FAM117B: variants seen among roughly 807,000 people sequenced by gnomAD.
FAM117B encodes family with sequence similarity 117 member B.
Under a neutral mutation model 52.8 loss-of-function variants are expected in FAM117B, and 22 were observed. The observed-to-expected ratio is 0.42, with a 90% CI of 0.30 to 0.59. The LOEUF (loss-of-function observed/expected upper bound fraction) is 0.59, where lower values mean the gene tolerates loss of function less well. Ranked by LOEUF, FAM117B falls within the 20% of genes least tolerant of loss-of-function variation. The pLI is 0.22. For synonymous variants in FAM117B, 309 were observed against 324.1 expected (o/e 0.95, Z 0.50); for missense variants, 678 against 802.6 (o/e 0.84, Z 1.88).
At chr2:202,755,514 T>A in intron 4 of FAM117B, 24 bp from the exon 5 acceptor site, 1 of 1,611,636 alleles carries the variant, frequency 6.2e-7, no homozygotes, top group Non-Finnish European at 8.5e-7. Context: ...GTTAAGCCTC[T>A]CTTCTCCATC....
intron 1 of FAM117B, among the ~76,000 whole-genome samples, chr2:202,671,914 C>T (rs1020695470): frequency 1.3e-5 from 2 of 152,110 alleles, no homozygotes; most frequent in Non-Finnish European, 2.9e-5. Context: ...ACTCAGAGAC[C>T]CAAGCTGACA....
chr2:202,726,276 G>C lies in FAM117B; in HGVS notation c.873G>C (p.Gln291His). Residue 291 changes from glutamine (Q) to histidine (H), a missense_variant, in exon 4 of 8, where the codon CAG becomes CAC. Physicochemically the swap from Gln to His is conservative, Grantham distance 24. Around this residue, in one of 3 missense-constraint regions of FAM117B, gnomAD observed 583 missense variants for 644.8 expected, o/e 0.90. Coordinates refer to ENST00000392238, the MANE Select transcript of FAM117B (RefSeq NM_173511.4). ...TTGCAAAATTACGCCAGCAGTTGCA[G>C]AGAAGTAAACACAGCAGTCGGCATC... Reference protein sequence around the residue: ...KEIAKLRQQLQRSKHSSRHHR... With the variant: ...KEIAKLRQQLHRSKHSSRHHR... 2 of 1,612,872 alleles carry C rather than the reference G, an allele frequency of 1.2e-6. No individual in the cohort carries two copies. The highest frequency in any genetic ancestry group is 1.7e-6 in the Non-Finnish European group (2 of 1,179,708).
chr2:202,635,804 C>G lies in FAM117B; in HGVS notation c.601+16C>G. On this transcript the variant is annotated intron_variant, in intron 1 of 7. Transcript: ENST00000392238. Reference sequence around the variant, plus strand: ...TGCAAAGCAGGTAAGTGCTGGGGGTCGCGCAGCAAGGGGGAGGCGGCTGCG... The same window carrying G: ...TGCAAAGCAGGTAAGTGCTGGGGGTGGCGCAGCAAGGGGGAGGCGGCTGCG... 1 of 1,425,400 alleles carries G rather than the reference C, an allele frequency of 7.0e-7. No homozygotes were observed. 88.3% of individuals were successfully genotyped at this position (1,425,400 alleles called of 1,614,324 possible).
chr2:202,745,574 T>G (rs1691618908), intron 4 of FAM117B, among the ~76,000 whole-genome samples: 1 of 151,124 alleles, frequency 6.6e-6, no homozygotes, highest in Non-Finnish European at 1.5e-5. Flanking sequence ...AAAAAACAAT[T>G]AAAGTGACTG....
intron 2 of FAM117B, among the ~76,000 whole-genome samples, chr2:202,701,855 G>A (rs536013633): frequency 6.6e-6 from 1 of 152,320 alleles, no homozygotes; most frequent in East Asian, 1.9e-4. Flanking sequence ...GGTTTCTTGA[G>A]ATAGAATCTA....
intron 1 of FAM117B, among the ~76,000 whole-genome samples, chr2:202,655,755 A>AGT (rs1559095461): frequency 1.5e-5 from 2 of 133,460 alleles, no homozygotes; most frequent in African/African-American, 6.2e-5. Flanking sequence ...AGAGAGAGAG[A>AGT]GAGAGAGTGT....
At chr2:202,727,481 T>A (rs1574571560) in intron 4 of FAM117B, among the ~76,000 whole-genome samples, 2 of 152,110 alleles carry the variant, frequency 1.3e-5, no homozygotes, top group Middle Eastern at 6.8e-3. Context: ...AAACATATTT[T>A]TGGAAAAATA....
chr2:202,709,050 G>A (rs541496164), intron 2 of FAM117B, among the ~76,000 whole-genome samples: 5 of 152,226 alleles, frequency 3.3e-5, no homozygotes, highest in Admixed American at 6.5e-5. Context: ...CCTGACAGGC[G>A]CGAGATGATA....
intron 7 of FAM117B, among the ~76,000 whole-genome samples, chr2:202,763,059 G>A (rs369337957): frequency 1.4e-5 from 2 of 145,948 alleles, no homozygotes; most frequent in Admixed American, 7.0e-5. Context: ...TAGCAGCCAC[G>A]AGTCTTAAGT....
chr2:202,702,414 T>G (rs72928942), intron 2 of FAM117B, among the ~76,000 whole-genome samples: 12,293 of 151,448 alleles, frequency 0.081, 678 homozygotes, highest in Middle Eastern at 0.2. Flanking sequence ...AAGAAAGAAA[T>G]AAAATAAATA....
At chr2:202,760,396 G>A (rs569194128) in intron 7 of FAM117B, among the ~76,000 whole-genome samples, 53 of 152,348 alleles carry the variant, frequency 3.5e-4, no homozygotes, top group Admixed American at 1.4e-3. Context: ...CTGAACCACT[G>A]TGATGTGGCA....
chr2:202,702,647 A>G (rs1012414002), intron 2 of FAM117B, among the ~76,000 whole-genome samples: 13 of 151,842 alleles, frequency 8.6e-5, no homozygotes, highest in Non-Finnish European at 1.6e-4. Context: ...TCCGCCTCCC[A>G]GGTTCACGCC....
chr2:202,650,056 G>C (rs1689934863), intron 1 of FAM117B, among the ~76,000 whole-genome samples: 1 of 151,608 alleles, frequency 6.6e-6, no homozygotes, highest in African/African-American at 2.4e-5. Context: ...TGGATTTTTA[G>C]TAGACACGGG....
At chr2:202,640,307 T>TATATAG (rs1553517969) in intron 1 of FAM117B, among the ~76,000 whole-genome samples, 1 of 54,812 alleles carries the variant, frequency 1.8e-5, no homozygotes, top group Non-Finnish European at 3.6e-5. Flanking sequence ...TATATATATA[T>TATATAG]ATATATATAT....
chr2:202,723,834 C>T (rs1691189023), intron 2 of FAM117B, among the ~76,000 whole-genome samples: 1 of 152,138 alleles, frequency 6.6e-6, no homozygotes, highest in African/African-American at 2.4e-5. Context: ...ACTTTGACAG[C>T]AGGTGCTGAA....
chr2:202,749,131 A>G (rs1321112032), intron 4 of FAM117B, among the ~76,000 whole-genome samples: 1 of 152,106 alleles, frequency 6.6e-6, no homozygotes, highest in Middle Eastern at 3.2e-3. Context: ...GAGTAAAAAT[A>G]TTTTACTATT....
chr2:202,765,775 A>C lies in FAM117B; in HGVS notation c.*11A>C, dbSNP rs1462300457. 2 of 1,610,704 alleles carry C rather than the reference A, an allele frequency of 1.2e-6. No homozygotes were observed. Among genetic ancestry groups the C allele is most frequent in the South Asian group, 1.1e-5 (1 of 90,780 alleles). On this transcript the variant is annotated 3_prime_UTR_variant, in exon 8 of 8. Coordinates refer to ENST00000392238, the MANE Select transcript of FAM117B (RefSeq NM_173511.4). ...GAAGCTGAAGGATAGGTCACAGTGC[A>C]ACGTGGCTGTTGTTCTGGGAAATTG...
At chr2:202,705,887 T>C (rs965681654) in intron 2 of FAM117B, among the ~76,000 whole-genome samples, 1 of 152,226 alleles carries the variant, frequency 6.6e-6, no homozygotes, top group Non-Finnish European at 1.5e-5. Flanking sequence ...TTCCTTTGAC[T>C]CAGAAGGTAT....
intron 2 of FAM117B, among the ~76,000 whole-genome samples, chr2:202,704,354 G>T (rs1227012839): frequency 1.3e-5 from 2 of 152,114 alleles, no homozygotes; most frequent in African/African-American, 4.8e-5. Context: ...TAAGGAATTT[G>T]ATCTATTGCT....
Sources: gnomAD v4.1 joint callset for allele counts (sites outside exome capture counted in the v4.1 genomes callset) on GRCh38, gnomAD v4.1.1 for gene constraint, gnomAD v4.1.1 regional missense constraint, MANE v1.5 for transcripts, NCBI Gene and HGNC (gene_info 2026-07-23, HGNC 2026-07-21) for gene names.